ANO3: variants seen among roughly 807,000 people sequenced by gnomAD.
The protein encoded by ANO3 is anoctamin 3, also known as anoctamin-3.
A neutral mutation model predicts 144.8 loss-of-function variants in ANO3; 99 were observed. The observed-to-expected ratio is 0.68, with a 90% confidence interval of 0.58 to 0.81. The LOEUF (loss-of-function observed/expected upper bound fraction) is 0.81. ANO3 is among the 30% of genes least tolerant of loss of function. The pLI, the probability that ANO3 is intolerant of heterozygous loss-of-function variation, is 0.00. For synonymous variants in ANO3, 414 were observed against 392.6 expected (o/e 1.05, Z -0.64); for missense variants, 905 against 1,202.2 (o/e 0.75, Z 3.66).
intron 24 of ANO3, among the ~76,000 whole-genome samples, chr11:26,648,101 A>G (rs76292762): frequency 6.6e-4 from 101 of 152,258 alleles, no homozygotes; most frequent in African/African-American, 2.4e-3. Context: ...TATTAAAAAT[A>G]TATTTAGAAG....
chr11:26,636,692 G>A (rs1852970023), intron 20 of ANO3, among the ~76,000 whole-genome samples: 1 of 152,216 alleles, frequency 6.6e-6, no homozygotes, highest in African/African-American at 2.4e-5. Flanking sequence ...CAGAGTCTGT[G>A]CTCTGAACAC....
intron 1 of ANO3, among the ~76,000 whole-genome samples, chr11:26,421,958 G>A (rs903332982): frequency 6.6e-6 from 1 of 151,986 alleles, no homozygotes; most frequent in Non-Finnish European, 1.5e-5. Context: ...AGGGTGGAGG[G>A]TCGGAGGAGG....
intron 1 of ANO3, among the ~76,000 whole-genome samples, chr11:26,344,913 G>C (rs188584829): frequency 1.3e-5 from 2 of 151,684 alleles, no homozygotes; most frequent in African/African-American, 4.8e-5. Flanking sequence ...AGTTACTTTT[G>C]TATATATATT....
intron 1 of ANO3, among the ~76,000 whole-genome samples, chr11:26,334,064 A>G (rs1855131669): frequency 6.6e-6 from 1 of 152,210 alleles, no homozygotes; most frequent in Non-Finnish European, 1.5e-5. Flanking sequence ...GAAGGAAATA[A>G]TTGACAACTG....
intron 1 of ANO3, among the ~76,000 whole-genome samples, chr11:26,214,651 A>G (rs1184022327): frequency 6.6e-6 from 1 of 151,974 alleles, no homozygotes; most frequent in Non-Finnish European, 1.5e-5. Context: ...ATTTCAGAAA[A>G]TAGTACAAAG....
intron 11 of ANO3, among the ~76,000 whole-genome samples, chr11:26,543,936 C>T (rs145553828): frequency 4.6e-5 from 7 of 151,904 alleles, no homozygotes; most frequent in Admixed American, 2.0e-4. Flanking sequence ...TAATTTCAAA[C>T]ATTAAGTGTT....
chr11:26,534,012 T>C (rs293944), intron 8 of ANO3, among the ~76,000 whole-genome samples: 14,835 of 152,186 alleles, frequency 0.097, 858 homozygotes, highest in African/African-American at 0.15. Context: ...GGTTCTTCAT[T>C]GCTACTCTTC....
chr11:26,526,985 G>A (rs1849179810), intron 7 of ANO3, among the ~76,000 whole-genome samples: 1 of 152,080 alleles, frequency 6.6e-6, no homozygotes, highest in African/African-American at 2.4e-5. Context: ...ATTGTTGGAT[G>A]GCTGATAAAA....
intron 24 of ANO3, among the ~76,000 whole-genome samples, chr11:26,652,385 T>A (rs1173687337): frequency 2.6e-5 from 4 of 152,148 alleles, no homozygotes; most frequent in Non-Finnish European, 2.9e-5. Context: ...AGAAAAGATC[T>A]TCCACAGACG....
chr11:26,310,736 G>C (rs552618889), intron 1 of ANO3, among the ~76,000 whole-genome samples: 149 of 152,234 alleles, frequency 9.8e-4, no homozygotes, highest in Middle Eastern at 3.4e-3. Context: ...CATGACATAA[G>C]AATAATTTTA....
At chr11:26,414,445 G>A (rs1199234363) in intron 1 of ANO3, among the ~76,000 whole-genome samples, 2 of 151,926 alleles carry the variant, frequency 1.3e-5, no homozygotes, top group East Asian at 3.9e-4. Context: ...TTGCAGGGAC[G>A]CAGATGAAGC....
intron 1 of ANO3, among the ~76,000 whole-genome samples, chr11:26,279,584 A>G (rs927312708): frequency 6.6e-6 from 1 of 152,198 alleles, no homozygotes; most frequent in Non-Finnish European, 1.5e-5. Flanking sequence ...ACATGGACAG[A>G]TATTTAACAT....
In ANO3 at chr11:26,662,547, T is replaced by A. The variant is rs1335192487; in HGVS notation, c.*2103T>A. On this transcript the variant is annotated 3_prime_UTR_variant, in exon 27 of 27. Transcript: ENST00000256737. Reference sequence around the variant, plus strand: ...TGTCTGACAGTAGTATAAAGAATAATGATAGCTCTATCCTTAAGAAGTATT... The same window carrying A: ...TGTCTGACAGTAGTATAAAGAATAAAGATAGCTCTATCCTTAAGAAGTATT... 6.6e-6 allele frequency: 1 copy of A among 152,086 alleles called. No homozygotes were observed. Among genetic ancestry groups the A allele is most frequent in the Non-Finnish European group, 1.5e-5 (1 of 67,996 alleles). 9.4% of individuals were successfully genotyped at this position (152,086 alleles called of 1,614,324 possible). A position where few individuals can be genotyped will look rare whatever the true frequency, so the allele number is the denominator to read the frequency against.
intron 6 of ANO3, among the ~76,000 whole-genome samples, chr11:26,518,298 T>A (rs184608672): frequency 6.6e-6 from 1 of 152,176 alleles, no homozygotes; most frequent in African/African-American, 2.4e-5. Context: ...ATTAATAATA[T>A]GCTGATAATG....
intron 21 of ANO3, among the ~76,000 whole-genome samples, chr11:26,640,667 ATTATG>A (rs1853118893): frequency 1.3e-5 from 2 of 152,134 alleles, no homozygotes; most frequent in African/African-American, 4.8e-5. Context: ...GGACATTTTC[ATTATG>A]GCCTTGCGCT....
At chr11:26,273,872 T>C (rs1853502300) in intron 1 of ANO3, among the ~76,000 whole-genome samples, 2 of 152,104 alleles carry the variant, frequency 1.3e-5, no homozygotes, top group South Asian at 4.1e-4. Flanking sequence ...AGGATGTAGA[T>C]TGAAGGAAAG....
intron 1 of ANO3, among the ~76,000 whole-genome samples, chr11:26,384,430 G>GCTCAA (rs1856670018): frequency 6.6e-6 from 1 of 152,118 alleles, no homozygotes; most frequent in South Asian, 2.1e-4. Context: ...TCCGAGATGA[G>GCTCAA]CTCAAAAATT....
chr11:26,632,679 G>A (rs1852825644), intron 18 of ANO3, among the ~76,000 whole-genome samples: 1 of 151,158 alleles, frequency 6.6e-6, no homozygotes, highest in African/African-American at 2.4e-5. Flanking sequence ...ATTATTTTCA[G>A]GCACTTGATA....
chr11:26,371,718 A>C (rs759419361), intron 1 of ANO3, among the ~76,000 whole-genome samples: 6 of 152,198 alleles, frequency 3.9e-5, no homozygotes, highest in Non-Finnish European at 8.8e-5. Context: ...ACTATTTTGG[A>C]ACTTTAAGAT....
Sources: gnomAD v4.1 joint callset for allele counts (sites outside exome capture counted in the v4.1 genomes callset) on GRCh38, gnomAD v4.1.1 for gene constraint, MANE v1.5 for transcripts, NCBI Gene and HGNC (gene_info 2026-07-23, HGNC 2026-07-21) for gene names.